Variants in IQSEC3 observed in about 807,000 individuals in gnomAD.
IQSEC3 encodes IQ motif and SEC7 domain-containing protein 3.
A neutral mutation model predicts 105.4 loss-of-function variants in IQSEC3; 50 were observed. The observed-to-expected ratio is 0.47, with a 90% CI of 0.38 to 0.60. The LOEUF is 0.60. Among genes scored for constraint, IQSEC3 ranks in the 20% least tolerant of loss-of-function variants. The pLI is 0.00. For synonymous variants in IQSEC3, 708 were observed against 746.0 expected (o/e 0.95, Z 0.83); for missense variants, 1,415 against 1,630.0 (o/e 0.87, Z 2.27).
intron 3 of IQSEC3, among the ~76,000 whole-genome samples, chr12:126,786 G>A (rs1865430323): frequency 6.6e-6 from 1 of 152,172 alleles, no homozygotes; most frequent in African/African-American, 2.4e-5. Context: ...CCCAAAATGT[G>A]TAGGTTCTAG....
At chr12:99,982 C>T (rs1555075780) in intron 2 of IQSEC3, among the ~76,000 whole-genome samples, 3 of 148,932 alleles carry the variant, frequency 2.0e-5, no homozygotes, top group African/African-American at 4.9e-5. Context: ...ACTCTTTTCT[C>T]TTTTCCACCA....
At chr12:90,937 C>T (rs1167693361) in intron 1 of IQSEC3, among the ~76,000 whole-genome samples, 2 of 152,124 alleles carry the variant, frequency 1.3e-5, no homozygotes, top group African/African-American at 4.8e-5. Context: ...ATCCAGTCTG[C>T]AGGCTCCACC....
intron 1 of IQSEC3, among the ~76,000 whole-genome samples, chr12:78,018 G>A (rs1218723899): frequency 8.6e-5 from 13 of 151,444 alleles, no homozygotes; most frequent in African/African-American, 2.9e-4. Flanking sequence ...ACCCCGGCGC[G>A]GGGAAGCCGC....
chr12:149,170 G>C (rs1381960020), intron 5 of IQSEC3: 1 of 152,256 alleles, frequency 6.6e-6, no homozygotes, highest in Non-Finnish European at 1.5e-5. Flanking sequence ...CAGGAAAGAG[G>C]GGGAGGCCTT....
At chr12:160,694 C>T (rs575789665) in intron 7 of IQSEC3, among the ~76,000 whole-genome samples, 1 of 152,274 alleles carries the variant, frequency 6.6e-6, no homozygotes, top group East Asian at 1.9e-4. Flanking sequence ...TCCCAGCCCA[C>T]CTTCACCTTC....
At position 134,909 on chromosome 12, in the gene IQSEC3, A is replaced by G. The variant is rs527441351; in HGVS notation, c.904-3358A>G. On this transcript the variant is annotated intron_variant, in intron 3 of 13. Coordinates refer to ENST00000538872, the MANE Select transcript of IQSEC3 (RefSeq NM_001170738.2). ...GGGAGGCCAAGGTGGGCGGATCACC[A>G]AGGCACCAGGAGTTCAAGTCCAGCC... Among the ~76,000 whole-genome samples the G allele has an allele frequency of 1.5e-3, 226 of 149,944 alleles. 1 individual carries two copies. Among genetic ancestry groups the G allele is most frequent in the Non-Finnish European group, 2.9e-3 (194 of 67,372 alleles).
At chr12:81,325 C>T (rs1405838731) in intron 1 of IQSEC3, among the ~76,000 whole-genome samples, 1 of 152,158 alleles carries the variant, frequency 6.6e-6, no homozygotes, top group Admixed American at 6.5e-5. Context: ...CAGTGGATGA[C>T]TTTGAGCAGA....
intron 1 of IQSEC3, among the ~76,000 whole-genome samples, chr12:77,942 G>T (rs1555069704): frequency 1.3e-5 from 2 of 150,482 alleles, no homozygotes; most frequent in African/African-American, 4.9e-5. Flanking sequence ...GGAATCTCCC[G>T]GCCCACGCGC....
chr12:88,370 G>C (rs1208488896), intron 1 of IQSEC3, among the ~76,000 whole-genome samples: 1 of 152,226 alleles, frequency 6.6e-6, no homozygotes, highest in Non-Finnish European at 1.5e-5. Context: ...AAAACGTACA[G>C]TGTGTTTTTA....
At chr12:156,482 T>TGGGGAGCTGGGGCAGCTGG (rs1262532980) in intron 5 of IQSEC3, among the ~76,000 whole-genome samples, 5 of 150,672 alleles carry the variant, frequency 3.3e-5, no homozygotes, top group East Asian at 2.0e-4. Context: ...GGGGCAGCTG[T>TGGGGAGCTGGGGCAGCTGG]GGGGAGCTGG....
chr12:157,077 C>G lies in IQSEC3; in HGVS notation c.2206C>G (p.Arg736Gly). Residue 736 changes from arginine to glycine, a missense_variant, in exon 6 of 14, where the codon CGC becomes GGC. Physicochemically the swap from Arg to Gly is moderately radical, Grantham distance 125 (BLOSUM62 -2). This residue lies in a region of IQSEC3 where 213 missense variants were observed against 306.2 expected (regional missense o/e 0.70). Coordinates refer to ENST00000538872, the MANE Select transcript of IQSEC3 (RefSeq NM_001170738.2). Reference protein sequence around the residue: ...FSSMELDEALRKFQAHIRVQG... With the variant: ...FSSMELDEALGKFQAHIRVQG... Reference sequence around the variant, plus strand: ...CAGCATGGAGCTGGACGAGGCCCTGCGCAAGTTCCAGGCACACATCCGTGT... The same window carrying G: ...CAGCATGGAGCTGGACGAGGCCCTGGGCAAGTTCCAGGCACACATCCGTGT... 1 of 1,606,628 alleles carries G rather than the reference C, an allele frequency of 6.2e-7. No individual in the cohort carries two copies. The highest frequency in any genetic ancestry group is 8.5e-7 in the Non-Finnish European group (1 of 1,176,556).
intron 3 of IQSEC3, among the ~76,000 whole-genome samples, chr12:131,984 T>C (rs1193721409): frequency 1.3e-5 from 2 of 152,140 alleles, no homozygotes; most frequent in Non-Finnish European, 2.9e-5. Flanking sequence ...GAATAACTTA[T>C]GCTCTGTTGG....
At chr12:98,910 C>T (rs1555075354) in intron 1 of IQSEC3, among the ~76,000 whole-genome samples, 1 of 152,168 alleles carries the variant, frequency 6.6e-6, no homozygotes, top group African/African-American at 2.4e-5. Flanking sequence ...GGAGGCTGCA[C>T]ACAGGAGGTA....
chr12:176,180 T>A lies in IQSEC3; in HGVS notation c.*1147T>A, dbSNP rs1462911186. On this transcript the variant is annotated 3_prime_UTR_variant, in exon 14 of 14. Coordinates refer to ENST00000538872, the MANE Select transcript of IQSEC3 (RefSeq NM_001170738.2). The surrounding 1 kb of genome is among the most constrained non-coding windows in gnomAD (Gnocchi z 4.0). Reference sequence around the variant, plus strand: ...CCCTTCCAGCAGGGGTGCCCAAGAGTCCCTGGACCCTCAAAATTGCAAAGG... The same window carrying A: ...CCCTTCCAGCAGGGGTGCCCAAGAGACCCTGGACCCTCAAAATTGCAAAGG... 1 of 151,558 alleles carries A rather than the reference T, an allele frequency of 6.6e-6. No homozygotes were observed. Among genetic ancestry groups the A allele is most frequent in the Non-Finnish European group, 1.5e-5 (1 of 67,910 alleles). The allele number at this position is 151,558 out of a possible 1,614,324, so 9.4% of individuals were successfully genotyped here.
intron 1 of IQSEC3, among the ~76,000 whole-genome samples, chr12:86,142 A>T (rs1555072041): frequency 6.6e-6 from 1 of 152,194 alleles, no homozygotes; most frequent in Non-Finnish European, 1.5e-5. Context: ...GCATTCCACT[A>T]ATGTCTCAGG....
intron 1 of IQSEC3, among the ~76,000 whole-genome samples, chr12:76,132 A>AC (rs2136870236): frequency 7.1e-6 from 1 of 141,160 alleles, no homozygotes; most frequent in Admixed American, 7.1e-5. Context: ...ACACACACAC[A>AC]AGGCCTCAGC....
intron 7 of IQSEC3, among the ~76,000 whole-genome samples, chr12:159,240 G>T (rs1555095482): frequency 6.6e-6 from 1 of 152,140 alleles, no homozygotes; most frequent in Non-Finnish European, 1.5e-5. Context: ...TACGTATCAA[G>T]CTCCTCTCCA....
At chr12:126,829 C>T (rs575218327) in intron 3 of IQSEC3, among the ~76,000 whole-genome samples, 17 of 152,184 alleles carry the variant, frequency 1.1e-4, no homozygotes, top group Admixed American at 3.9e-4. Context: ...GGCAAGGTAT[C>T]TTCAGAAAGG....
At position 156,890 on chromosome 12, in the gene IQSEC3, A is replaced by T. The variant is rs1480209772; in HGVS notation, c.2154-135A>T. On this transcript the variant is annotated intron_variant, in intron 5 of 13. Coordinates refer to ENST00000538872, the MANE Select transcript of IQSEC3 (RefSeq NM_001170738.2). ...GAGGAGATGGTCCTCTTGGGGCATT[A>T]AAGGGCGACCCCCGGGGGTGAGTAG... 8 of 1,134,364 alleles carry T rather than the reference A, an allele frequency of 7.1e-6. No homozygotes were observed. In the East Asian group the frequency reaches 1.3e-4, roughly 18 times the overall value. The allele number at this position is 1,134,364 out of a possible 1,614,324, so 70.3% of individuals were successfully genotyped here. A position where few individuals can be genotyped will look rare whatever the true frequency, so the allele number is the denominator to read the frequency against.
Sources: gnomAD v4.1 joint callset for allele counts (sites outside exome capture counted in the v4.1 genomes callset) on GRCh38, gnomAD v4.1.1 for gene constraint, gnomAD v4.1.1 regional missense constraint, Gnocchi (gnomAD v3.1) non-coding constraint, MANE v1.5 for transcripts, NCBI Gene and HGNC (gene_info 2026-07-23, HGNC 2026-07-21) for gene names.